Variants in SLC4A1 observed in about 807,000 individuals in gnomAD.
The protein encoded by SLC4A1 is band 3 anion transport protein.
In SLC4A1, 29 loss-of-function variants were observed where a neutral mutation model predicts 93.1. The observed-to-expected ratio is 0.31, with a 90% CI of 0.23 to 0.42. The LOEUF (loss-of-function observed/expected upper bound fraction) is 0.42, where lower values mean the gene tolerates loss of function less well. SLC4A1 is among the 20% of genes least tolerant of loss of function. The pLI is 1.00. For synonymous variants in SLC4A1, 469 were observed against 497.2 expected (o/e 0.94, Z 0.76); for missense variants, 965 against 1,190.1 (o/e 0.81, Z 2.78).
In SLC4A1 at chr17:44,250,436, G is replaced by C; in HGVS notation, c.*22C>G. ...TGGGGATGTGGAATGGTGGGGGAGG[G>C]TCTAGGGCCTGGGCCCGCCCCTCAC... On this transcript the variant is annotated 3_prime_UTR_variant, in exon 20 of 20. Coordinates refer to ENST00000262418, the MANE Select transcript of SLC4A1 (RefSeq NM_000342.4). 1 of 1,591,062 alleles carries C rather than the reference G, an allele frequency of 6.3e-7. No homozygotes were observed.
intron 4 of SLC4A1, 65 bp from the exon 5 acceptor site, chr17:44,260,880 A>T: frequency 6.4e-7 from 1 of 1,561,324 alleles, no homozygotes; most frequent in Non-Finnish European, 8.7e-7. Context: ...GTGCTCAGCC[A>T]CTCTCGAGAG....
intron 1 of SLC4A1, among the ~76,000 whole-genome samples, chr17:44,266,999 G>A (rs1182774915): frequency 2.0e-5 from 3 of 152,156 alleles, no homozygotes; most frequent in African/African-American, 7.2e-5. Context: ...CTGTGAAGTG[G>A]TTTGGGGATT....
chr17:44,264,422 C>G (rs532174469), intron 1 of SLC4A1, among the ~76,000 whole-genome samples: 38 of 152,314 alleles, frequency 2.5e-4, no homozygotes, highest in African/African-American at 9.1e-4. Flanking sequence ...GGCACCACTG[C>G]ACTCCAGCCT....
intron 16 of SLC4A1, 36 bp downstream of exon 16, chr17:44,254,460 C>CCCCA: frequency 1.1e-5 from 14 of 1,288,906 alleles, no homozygotes; most frequent in African/African-American, 1.5e-5. Flanking sequence ...CCCTGCCTCC[C>CCCCA]ACCCTCCCAG....
intron 19 of SLC4A1, among the ~76,000 whole-genome samples, chr17:44,250,931 C>T (rs1446663683): frequency 6.6e-6 from 1 of 152,172 alleles, no homozygotes; most frequent in East Asian, 1.9e-4. Flanking sequence ...CCTCTTGACG[C>T]TCTCCCCAGT....
intron 13 of SLC4A1, among the ~76,000 whole-genome samples, chr17:44,256,808 T>A (rs2047392897): frequency 6.6e-6 from 1 of 152,204 alleles, no homozygotes; most frequent in African/African-American, 2.4e-5. Context: ...ACATATGTGG[T>A]CACAGTCAAC....
Position 44,249,694 on chromosome 17 carries a change from G to C in SLC4A1, c.*764C>G, listed in dbSNP as rs1047492242. 6.3e-6 allele frequency: 1 copy of C among 158,448 alleles called. No homozygotes were observed. Among genetic ancestry groups the C allele is most frequent in the African/African-American group, 2.4e-5 (1 of 41,444 alleles). 9.8% of individuals were successfully genotyped at this position (158,448 alleles called of 1,614,324 possible). On this transcript the variant is annotated 3_prime_UTR_variant, in exon 20 of 20. Transcript: ENST00000262418. Reference sequence around the variant, plus strand: ...CAGGCCCAATCCCTGGATCATCCTTGCCTGTACCTTGTCCTCACCAGGACG... The same window carrying C: ...CAGGCCCAATCCCTGGATCATCCTTCCCTGTACCTTGTCCTCACCAGGACG...
chr17:44,254,790 G>A lies in SLC4A1; in HGVS notation c.1891-128C>T. ...GCACTTGGGAACTTACTTATATTGA[G>A]CACTTGCTCTGTACCTAATCATTAC... On this transcript the variant is annotated intron_variant, in intron 15 of 19. Coordinates refer to ENST00000262418, the MANE Select transcript of SLC4A1 (RefSeq NM_000342.4). 3 of 734,092 alleles carry A rather than the reference G, an allele frequency of 4.1e-6. No homozygotes were observed. In the South Asian group the frequency reaches 4.8e-5, roughly 12 times the overall value. The allele number at this position is 734,092 out of a possible 1,614,324, so 45.5% of individuals were successfully genotyped here. A position where few individuals can be genotyped will look rare whatever the true frequency, so the allele number is the denominator to read the frequency against.
Position 44,259,880 on chromosome 17 carries a change from G to A in SLC4A1, c.538C>T (p.Arg180Cys), listed in dbSNP as rs749020872. The change falls in exon 7 of 20, where the codon CGC becomes TGC. Residue 180 changes from arginine (R) to cysteine (C), a missense_variant. Transcript: ENST00000262418. ...AGAGGCTGTGAAGGATCCCCAGAGCGTGTCAGGACTGCAGGCTTCACACCC... is the reference window on the plus strand; with the variant it reads ...AGAGGCTGTGAAGGATCCCCAGAGCATGTCAGGACTGCAGGCTTCACACCC... Reference protein sequence around the residue: ...LGGVKPAVLTRSGDPSQPLLP... With the variant: ...LGGVKPAVLTCSGDPSQPLLP... 1.1e-5 allele frequency: 18 copies of A among 1,613,932 alleles called. No homozygotes were observed. The highest frequency in any genetic ancestry group is 1.1e-4 in the African/African-American group (8 of 74,874).
At chr17:44,259,968 T>C in intron 6 of SLC4A1, 36 bp from the exon 7 acceptor site, 1 of 1,611,302 alleles carries the variant, frequency 6.2e-7, no homozygotes, top group Non-Finnish European at 8.5e-7. Context: ...CTGAGTAAGC[T>C]GTTCAGGCTG....
In SLC4A1 at chr17:44,258,662, C is replaced by G; in HGVS notation, c.877-39G>C. On this transcript the variant is annotated intron_variant, in intron 9 of 19. Coordinates refer to ENST00000262418, the MANE Select transcript of SLC4A1 (RefSeq NM_000342.4). This position sits in a 1 kb window ranked among gnomAD's most constrained non-coding sequence, Gnocchi z 6.1. ...ACAGGGTCAGAGCTGCCCGGACCTG[C>G]GGAGGGAAAGGACCCAGGAGTCCAC... The G allele has an allele frequency of 6.5e-7, 1 of 1,549,040 alleles. No individual in the cohort carries two copies. Among genetic ancestry groups the G allele is most frequent in the Non-Finnish European group, 8.7e-7 (1 of 1,145,706 alleles).
At position 44,262,681 on chromosome 17, in the gene SLC4A1, A is replaced by G; in HGVS notation, c.61T>C (p.Tyr21His). ...MMEENLEQEE[Y>H]EDPDIPESQM... ...GACTCGGGGATGTCTGGGTCTTCAT[A>G]TTCCTCCTGCTCCAGATTCTCCTCC... The change falls in exon 3 of 20, where the codon TAT becomes CAT. Residue 21 changes from tyrosine to histidine, a missense_variant. By Grantham distance (83) the Tyr-to-His change is moderately conservative. Transcript: ENST00000262418. 6.2e-7 allele frequency: 1 copy of G among 1,613,984 alleles called. No homozygotes were observed. The highest frequency in any genetic ancestry group is 2.2e-5 in the East Asian group (1 of 44,870).
Position 44,253,168 on chromosome 17 carries a change from T to G in SLC4A1, c.2261A>C (p.Gln754Pro), listed in dbSNP as rs2047357851. 6.2e-7 allele frequency: 1 copy of G among 1,613,660 alleles called. No individual in the cohort carries two copies. The highest frequency in any genetic ancestry group is 1.3e-5 in the African/African-American group (1 of 74,938). The change falls in exon 17 of 20, where the codon CAG (glutamine) becomes CCG (proline). Residue 754 changes from glutamine to proline, a missense_variant. Transcript: ENST00000262418. Reference protein sequence around the residue: ...ASTPGAAAQIQEVKEQRISGL... With the variant: ...ASTPGAAAQIPEVKEQRISGL... The stretch of plus-strand genomic sequence containing the variant: ...ACTGATCCGCTGCTCTTTGACCTCC[T>G]GGATCTGGGCTGCAGCCCCTGGGGT...
In SLC4A1 at chr17:44,259,758, C is replaced by T. The variant is rs769528452; in HGVS notation, c.609+51G>A. On this transcript the variant is annotated intron_variant, in intron 7 of 19. Transcript: ENST00000262418. ...GGACCCCTGCTGGCGTTTGAGAAAG[C>T]TCTCTCCTTGCCCCACCCTGACCCT... is the stretch of plus-strand genomic sequence containing the variant. 8 of 1,613,258 alleles carry T rather than the reference C, an allele frequency of 5.0e-6. No individual in the cohort carries two copies. The East Asian group carries it at 1.8e-4, about 36-fold the overall frequency.
chr17:44,254,278 G>GT (rs375395447), intron 16 of SLC4A1, among the ~76,000 whole-genome samples: 1,846 of 149,116 alleles, frequency 0.012, 37 homozygotes, highest in African/African-American at 0.04. Context: ...GCCCGGCCAC[G>GT]TTTTTTTTTT....
chr17:44,256,374 AAGGCTGG>A (rs45442093), intron 13 of SLC4A1, among the ~76,000 whole-genome samples: 6,357 of 152,320 alleles, frequency 0.042, 216 homozygotes, highest in Non-Finnish European at 0.063. Flanking sequence ...GAGACATGAG[AAGGCTGG>A]AGGTCAGGAA....
intron 19 of SLC4A1, 61 bp from the exon 20 acceptor site, chr17:44,250,599 C>T: frequency 7.1e-7 from 1 of 1,405,540 alleles, no homozygotes; most frequent in Admixed American, 1.7e-5. Flanking sequence ...AGAGCCCTCC[C>T]CGGGCACGAA....
In SLC4A1 at chr17:44,254,555, G is replaced by A. The variant is rs1349185908; in HGVS notation, c.1998C>T (p.Ala666=). Residue 666 remains alanine, a synonymous_variant, in exon 16 of 20, where the codon GCC becomes GCT. Transcript: ENST00000262418. ...AGACCAGCAGAGCAGGCAGGGCGGAGGCAAACATCATCCAGATGGGAAACT... is the reference window on the plus strand; with the variant it reads ...AGACCAGCAGAGCAGGCAGGGCGGAAGCAAACATCATCCAGATGGGAAACT... ...RSEFPIWMMF[A]SALPALLVFI... 1.2e-6 allele frequency: 2 copies of A among 1,614,196 alleles called. No individual in the cohort carries two copies. The highest frequency in any genetic ancestry group is 1.7e-6 in the Non-Finnish European group (2 of 1,180,032).
chr17:44,255,510 A>G (rs1237158240), intron 14 of SLC4A1, among the ~76,000 whole-genome samples, 163 bp downstream of exon 14: 2 of 152,180 alleles, frequency 1.3e-5, no homozygotes, highest in African/African-American at 2.4e-5. Context: ...GGGCTTGCCC[A>G]TAGAGTGAAA....
Sources: gnomAD v4.1 joint callset for allele counts (sites outside exome capture counted in the v4.1 genomes callset) on GRCh38, gnomAD v4.1.1 for gene constraint, Gnocchi (gnomAD v3.1) non-coding constraint, MANE v1.5 for transcripts, NCBI Gene and HGNC (gene_info 2026-07-23, HGNC 2026-07-21) for gene names.